Variants in CDH7 observed in about 807,000 individuals in gnomAD.
The protein encoded by CDH7 is cadherin-7.
In CDH7, 25 loss-of-function variants were observed where a neutral mutation model predicts 71.8. The observed-to-expected ratio is 0.35, with a 90% CI of 0.25 to 0.49. The LOEUF is 0.49. CDH7 is among the 20% of genes least tolerant of loss of function. CDH7 has a pLI of 0.99. For missense variants in CDH7, 862 were observed against 974.6 expected (o/e 0.88, Z 1.54); for synonymous variants, 381 against 363.8 (o/e 1.05, Z -0.54).
At chr18:65,756,085 G>A (rs528373927) in intron 1 of CDH7, among the ~76,000 whole-genome samples, 1 of 152,154 alleles carries the variant, frequency 6.6e-6, no homozygotes, top group African/African-American at 2.4e-5. Context: ...CTGTGGAATG[G>A]TGTCATTTCC....
At chr18:65,804,891 C>A (rs1200348269) in intron 2 of CDH7, among the ~76,000 whole-genome samples, 1 of 152,058 alleles carries the variant, frequency 6.6e-6, no homozygotes, top group Non-Finnish European at 1.5e-5. Context: ...AGCAACAAAG[C>A]AAGGCATCTG....
chr18:65,882,513 A>AT lies in CDH7; in HGVS notation c.*1621dup, dbSNP rs1909235502. 6 of 152,120 alleles carry AT rather than the reference A, an allele frequency of 3.9e-5. No homozygotes were observed. The highest frequency in any genetic ancestry group is 3.9e-4 in the Admixed American group (6 of 15,278). 9.4% of individuals were successfully genotyped at this position (152,120 alleles called of 1,614,324 possible). A position where few individuals can be genotyped will look rare whatever the true frequency, so the allele number is the denominator to read the frequency against. On this transcript the variant is annotated 3_prime_UTR_variant, in exon 12 of 12. Coordinates refer to ENST00000397968, the MANE Select transcript of CDH7 (RefSeq NM_004361.5). ...GTGGAATTAGAATATTAATATGTTG[A>AT]TTACACAAAGAAGAACTATGTAGGA...
At chr18:65,805,895 A>T (rs982491079) in intron 2 of CDH7, among the ~76,000 whole-genome samples, 1 of 138,650 alleles carries the variant, frequency 7.2e-6, no homozygotes, top group Non-Finnish European at 1.6e-5. Context: ...CAGGCTAGGC[A>T]ATGTGAGTTA....
At chr18:65,771,189 A>G (rs1916531685) in intron 2 of CDH7, among the ~76,000 whole-genome samples, 1 of 152,180 alleles carries the variant, frequency 6.6e-6, no homozygotes. Context: ...GTTTCAGTTT[A>G]TGAATTCTGA....
rs941432039 is a variant in CDH7 at position 65,824,835 on chromosome 18, A to C, written c.981+4A>C. On this transcript the variant is annotated splice_donor_region_variant and intron_variant, in intron 6 of 11. Coordinates refer to ENST00000397968, the MANE Select transcript of CDH7 (RefSeq NM_004361.5). ...AGGAATCATTACTATACAGAAGGTA[A>C]TGTTTTCTTTATTTATCTTTTATCA... is the stretch of plus-strand genomic sequence containing the variant. The C allele has an allele frequency of 6.4e-7, 1 of 1,573,014 alleles. No individual in the cohort carries two copies. Among genetic ancestry groups the C allele is most frequent in the Non-Finnish European group, 8.7e-7 (1 of 1,153,564 alleles).
At position 65,782,045 on chromosome 18, in the gene CDH7, C is replaced by T. The variant is rs1206634655; in HGVS notation, c.210+18993C>T. 3.6e-4 allele frequency among the ~76,000 whole-genome samples: 17 copies of T among 47,102 alleles called. 6 individuals are homozygous for T. The highest frequency in any genetic ancestry group is 2.7e-3 in the African/African-American group (13 of 4,888). The allele number at this position is 47,102 out of a possible 152,430, so 30.9% of individuals were successfully genotyped here. On this transcript the variant is annotated intron_variant, in intron 2 of 11. Transcript: ENST00000397968. The stretch of plus-strand genomic sequence containing the variant: ...CTCTTTCTCCCTTCCTTCCTTCCTT[C>T]CTTCCTTCCTTCCTTCCTTTCTTTC...
At chr18:65,858,399 C>A (rs1913440799) in intron 8 of CDH7, among the ~76,000 whole-genome samples, 1 of 151,710 alleles carries the variant, frequency 6.6e-6, no homozygotes, top group Non-Finnish European at 1.5e-5. Flanking sequence ...TGCATATTTG[C>A]ATGCATATAT....
chr18:65,764,969 A>G (rs1225502083), intron 2 of CDH7, among the ~76,000 whole-genome samples: 1 of 152,078 alleles, frequency 6.6e-6, no homozygotes, highest in Non-Finnish European at 1.5e-5. Flanking sequence ...GTTGTTGGGC[A>G]AAGGTGTTAT....
At chr18:65,830,553 C>A (rs562978863) in intron 6 of CDH7, among the ~76,000 whole-genome samples, 1 of 150,674 alleles carries the variant, frequency 6.6e-6, no homozygotes, top group Non-Finnish European at 1.5e-5. Context: ...TTCCTTCCTT[C>A]TTTCCTTCCT....
In CDH7 at chr18:65,885,841, A is replaced by G. The variant is rs1033658239; in HGVS notation, c.*4947A>G. On this transcript the variant is annotated 3_prime_UTR_variant, in exon 12 of 12. Coordinates refer to ENST00000397968, the MANE Select transcript of CDH7 (RefSeq NM_004361.5). ...TACCGAATGAAAGGAGAAATATCTTATTTGCTGTAACAATCTAATTTATAT... is the reference window on the plus strand; with the variant it reads ...TACCGAATGAAAGGAGAAATATCTTGTTTGCTGTAACAATCTAATTTATAT... 7 of 152,190 alleles carry G rather than the reference A, an allele frequency of 4.6e-5. No individual in the cohort carries two copies. The highest frequency in any genetic ancestry group is 1.7e-4 in the African/African-American group (7 of 41,464). 9.4% of individuals were successfully genotyped at this position (152,190 alleles called of 1,614,324 possible).
chr18:65,849,364 CTTTT>C (rs1913054759), intron 7 of CDH7, among the ~76,000 whole-genome samples: 1 of 36,186 alleles, frequency 2.8e-5, no homozygotes, highest in African/African-American at 1.4e-4. Context: ...CTTTTCTTTT[CTTTT>C]CTTTTCTTTT....
chr18:65,777,720 T>C (rs1189317380), intron 2 of CDH7, among the ~76,000 whole-genome samples: 1 of 152,142 alleles, frequency 6.6e-6, no homozygotes, highest in Non-Finnish European at 1.5e-5. Context: ...TTATGTAATT[T>C]TTAAATTTTA....
chr18:65,879,678 G>A (rs1353245048), intron 11 of CDH7, among the ~76,000 whole-genome samples: 1 of 152,190 alleles, frequency 6.6e-6, no homozygotes, highest in Admixed American at 6.5e-5. Context: ...CCTGCTTTAA[G>A]ATGTGATTTT....
chr18:65,860,584 T>C (rs2144033924), intron 10 of CDH7, among the ~76,000 whole-genome samples: 1 of 152,284 alleles, frequency 6.6e-6, no homozygotes, highest in East Asian at 1.9e-4. Context: ...ATATTTATTT[T>C]AGTGGAAGGA....
At chr18:65,760,241 A>G (rs939655944) in intron 1 of CDH7, among the ~76,000 whole-genome samples, 2 of 152,142 alleles carry the variant, frequency 1.3e-5, no homozygotes, top group African/African-American at 4.8e-5. Context: ...TGCCATTATT[A>G]TCATCTTTGT....
chr18:65,789,922 T>C (rs917035969), intron 2 of CDH7, among the ~76,000 whole-genome samples: 23 of 151,944 alleles, frequency 1.5e-4, no homozygotes, highest in African/African-American at 5.6e-4. Context: ...AGTTTGGCCA[T>C]GTTAAATTTG....
intron 3 of CDH7, among the ~76,000 whole-genome samples, 193 bp downstream of exon 3, chr18:65,810,191 T>C (rs892942072): frequency 6.6e-6 from 1 of 152,228 alleles, no homozygotes; most frequent in Non-Finnish European, 1.5e-5. Context: ...TATTAATTTA[T>C]TTGTATGGAA....
At position 65,888,895 on chromosome 18, in the gene CDH7, T is replaced by G. The variant is rs979223813; in HGVS notation, c.*8001T>G. ...GGTTTGGTTTAAGAGGATAAGAAGA[T>G]AGCTGAAACTCTAATAATTGGACTT... On this transcript the variant is annotated 3_prime_UTR_variant, in exon 12 of 12. Transcript: ENST00000397968. 2.0e-5 allele frequency: 3 copies of G among 152,224 alleles called. No homozygotes were observed. Among genetic ancestry groups the G allele is most frequent in the Non-Finnish European group, 1.5e-5 (1 of 68,032 alleles). 9.4% of individuals were successfully genotyped at this position (152,224 alleles called of 1,614,324 possible).
At chr18:65,789,498 T>C (rs899443121) in intron 2 of CDH7, among the ~76,000 whole-genome samples, 2 of 151,404 alleles carry the variant, frequency 1.3e-5, no homozygotes, top group Admixed American at 6.6e-5. Flanking sequence ...TGTTTTTTGA[T>C]AAGTTTGAGG....
Sources: gnomAD v4.1 joint callset for allele counts (sites outside exome capture counted in the v4.1 genomes callset) on GRCh38, gnomAD v4.1.1 for gene constraint, MANE v1.5 for transcripts, NCBI Gene and HGNC (gene_info 2026-07-23, HGNC 2026-07-21) for gene names.